Variants in RALYL observed in about 807,000 individuals in gnomAD.
The protein encoded by RALYL is RNA-binding Raly-like protein.
A neutral mutation model predicts 35.1 loss-of-function variants in RALYL; 29 were observed. The ratio of observed to expected loss-of-function variants is 0.83; its 90% confidence interval spans 0.61 to 1.13. The LOEUF (loss-of-function observed/expected upper bound fraction) is 1.13. Among genes scored for constraint, RALYL ranks in the 50% most tolerant of loss-of-function variants. The pLI, the probability that RALYL is intolerant of heterozygous loss-of-function variation, is 0.00. For missense variants in RALYL, 359 were observed against 360.4 expected, an observed-to-expected ratio of 1.00 and a Z score of 0.03; for synonymous variants, 120 against 127.6, an observed-to-expected ratio of 0.94 and a Z score of 0.40.
chr8:84,335,770 G>T lies in RALYL; in HGVS notation c.-24+151346G>T, dbSNP rs546836123. ...CCAAATCATTTGCTCATCTTACTTG[G>T]TGGGCAAACATTTCCGTTGGGAATG... On this transcript the variant is annotated intron_variant, in intron 1 of 8. Transcript: ENST00000521268. Among the ~76,000 whole-genome samples, 3 of 116,766 alleles carry T rather than the reference G, an allele frequency of 2.6e-5. No individual in the cohort carries two copies. In the South Asian group the frequency reaches 7.5e-4, roughly 29 times the overall value. The allele number at this position is 116,766 out of a possible 152,430, so 76.6% of individuals were successfully genotyped here.
intron 2 of RALYL, among the ~76,000 whole-genome samples, chr8:84,761,496 G>A (rs1169546379): frequency 6.6e-6 from 1 of 151,922 alleles, no homozygotes; most frequent in Non-Finnish European, 1.5e-5. Flanking sequence ...ATTATCCAAT[G>A]AATTAATTAA....
chr8:84,240,683 AT>A (rs1370206517), intron 1 of RALYL, among the ~76,000 whole-genome samples: 1 of 152,204 alleles, frequency 6.6e-6, no homozygotes, highest in Non-Finnish European at 1.5e-5. Flanking sequence ...TGAATTAGGC[AT>A]TTCTAAGAAC....
intron 1 of RALYL, among the ~76,000 whole-genome samples, chr8:84,202,725 T>G (rs779537674): frequency 2.0e-5 from 3 of 152,180 alleles, no homozygotes; most frequent in Non-Finnish European, 4.4e-5. Context: ...GACTTTAGAC[T>G]CTAACCACTA....
At chr8:84,425,983 G>C (rs903069905) in intron 1 of RALYL, among the ~76,000 whole-genome samples, 2 of 151,570 alleles carry the variant, frequency 1.3e-5, no homozygotes, top group East Asian at 3.9e-4. Flanking sequence ...AAGAATTGAG[G>C]ATAACCGTTT....
intron 1 of RALYL, among the ~76,000 whole-genome samples, chr8:84,384,681 A>G (rs540139749): frequency 1.3e-5 from 2 of 151,802 alleles, no homozygotes; most frequent in East Asian, 2.0e-4. Flanking sequence ...CCCTGATTTT[A>G]TCTTTTTCTT....
intron 2 of RALYL, among the ~76,000 whole-genome samples, chr8:84,578,838 A>G (rs1421709595): frequency 4.6e-5 from 7 of 152,176 alleles, no homozygotes; most frequent in Non-Finnish European, 1.0e-4. Context: ...TGGGGGTTTT[A>G]TGAGCTCAAA....
At chr8:84,532,999 G>A (rs2059370616) in intron 2 of RALYL, among the ~76,000 whole-genome samples, 5 of 151,992 alleles carry the variant, frequency 3.3e-5, no homozygotes, top group Admixed American at 3.3e-4. Context: ...AAACAAAAAA[G>A]ATTGCATTTT....
intron 3 of RALYL, among the ~76,000 whole-genome samples, chr8:84,797,112 C>G (rs549280110): frequency 2.0e-5 from 3 of 152,262 alleles, no homozygotes; most frequent in South Asian, 2.1e-4. Context: ...AATCAAGAGG[C>G]AGTGTCTAGT....
rs763631061 is a variant in RALYL at position 84,349,074 on chromosome 8, C to T, written c.-24+164650C>T. 8.7e-5 allele frequency among the ~76,000 whole-genome samples: 13 copies of T among 150,024 alleles called. 1 individual carries two copies. Among genetic ancestry groups the T allele is most frequent in the South Asian group, 2.1e-4 (1 of 4,794 alleles). On this transcript the variant is annotated intron_variant, in intron 1 of 8. Coordinates refer to ENST00000521268, the MANE Select transcript of RALYL (RefSeq NM_173848.7). Reference sequence around the variant, plus strand: ...GCCTGAGATCAACCTATGGATAGTCCGAGGTCCAGGGAACAGCCATTCAGA... The same window carrying T: ...GCCTGAGATCAACCTATGGATAGTCTGAGGTCCAGGGAACAGCCATTCAGA...
chr8:84,320,234 G>A (rs73306951), intron 1 of RALYL, among the ~76,000 whole-genome samples: 7,195 of 151,962 alleles, frequency 0.047, 267 homozygotes, highest in African/African-American at 0.083. Flanking sequence ...TGTGTTGTCT[G>A]CGCTAGAGTC....
chr8:84,616,930 T>G (rs1484074123), intron 2 of RALYL, among the ~76,000 whole-genome samples: 1 of 150,182 alleles, frequency 6.7e-6, no homozygotes, highest in Non-Finnish European at 1.5e-5. Context: ...CTGAGGGCTC[T>G]GTTCTGTTCC....
At chr8:84,460,754 T>C (rs2050675789) in intron 1 of RALYL, among the ~76,000 whole-genome samples, 1 of 151,696 alleles carries the variant, frequency 6.6e-6, no homozygotes, top group Non-Finnish European at 1.5e-5. Context: ...GTATATTTTT[T>C]CATACAGTAT....
At chr8:84,619,973 T>G (rs1283275295) in intron 2 of RALYL, among the ~76,000 whole-genome samples, 7 of 152,174 alleles carry the variant, frequency 4.6e-5, no homozygotes, top group African/African-American at 1.7e-4. Context: ...GCTGTTAGTC[T>G]GATGGGCTTC....
chr8:84,317,384 C>A (rs936989104), intron 1 of RALYL, among the ~76,000 whole-genome samples: 1 of 152,074 alleles, frequency 6.6e-6, no homozygotes, highest in Non-Finnish European at 1.5e-5. Context: ...CATCTTGCTG[C>A]CCTGTTATCC....
At chr8:84,571,282 C>A (rs1807917087) in intron 2 of RALYL, among the ~76,000 whole-genome samples, 1 of 151,632 alleles carries the variant, frequency 6.6e-6, no homozygotes, top group Non-Finnish European at 1.5e-5. Flanking sequence ...ATTATCGATT[C>A]AATTTTATTA....
intron 1 of RALYL, among the ~76,000 whole-genome samples, chr8:84,233,728 C>T (rs886979008): frequency 2.6e-5 from 4 of 152,184 alleles, no homozygotes; most frequent in African/African-American, 9.7e-5. Context: ...CTTGGACCAA[C>T]ATTATCATAT....
chr8:84,444,346 A>C (rs1051323310), intron 1 of RALYL, among the ~76,000 whole-genome samples: 5 of 152,174 alleles, frequency 3.3e-5, no homozygotes, highest in Non-Finnish European at 5.9e-5. Context: ...CAAACAAACA[A>C]GCAAAAAAAC....
chr8:84,571,776 T>C lies in RALYL; in HGVS notation c.256+42199T>C, dbSNP rs908696799. Among the ~76,000 whole-genome samples, 9 of 151,912 alleles carry C rather than the reference T, an allele frequency of 5.9e-5. No homozygotes were observed. The East Asian group carries it at 1.5e-3, about 26-fold the overall frequency. On this transcript the variant is annotated intron_variant, in intron 2 of 8. Transcript: ENST00000521268. ...AACCAACTTTTCTCTTAGTAGCCCT[T>C]TTGTTTTATTCCAGAGGTTTTTGTT...
chr8:84,713,538 TAGA>T (rs1311696633), intron 2 of RALYL, among the ~76,000 whole-genome samples: 2 of 151,972 alleles, frequency 1.3e-5, no homozygotes, highest in African/African-American at 2.4e-5. Flanking sequence ...TCACACCTGT[TAGA>T]AGAATTGTTA....
Sources: gnomAD v4.1 joint callset for allele counts (sites outside exome capture counted in the v4.1 genomes callset) on GRCh38, gnomAD v4.1.1 for gene constraint, MANE v1.5 for transcripts, NCBI Gene and HGNC (gene_info 2026-07-23, HGNC 2026-07-21) for gene names.